The following SMCHD1 variants were observed in gnomAD, a reference collection of about 807,000 sequenced individuals.
The protein encoded by SMCHD1 is structural maintenance of chromosomes flexible hinge domain containing 1, also known as structural maintenance of chromosomes flexible hinge domain-containing protein 1.
Under a neutral mutation model 254.7 loss-of-function variants are expected in SMCHD1, and 78 were observed. The ratio of observed to expected loss-of-function variants is 0.31; its 90% CI spans 0.26 to 0.37. The LOEUF (loss-of-function observed/expected upper bound fraction) is 0.37, where lower values mean the gene tolerates loss of function less well. SMCHD1 is among the 10% of genes least tolerant of loss of function. The pLI is 1.00. For missense variants in SMCHD1, 1,840 were observed against 2,408.1 expected (o/e 0.76, Z 4.94); for synonymous variants, 766 against 794.9 (o/e 0.96, Z 0.61).
intron 17 of SMCHD1, among the ~76,000 whole-genome samples, chr18:2,716,158 A>G (rs2074794704): frequency 6.6e-6 from 1 of 152,058 alleles, no homozygotes; most frequent in Non-Finnish European, 1.5e-5. Context: ...ATTATCTATG[A>G]TTTCCTTGTT....
intron 3 of SMCHD1, among the ~76,000 whole-genome samples, chr18:2,671,090 C>A (rs920184462): frequency 1.3e-5 from 2 of 151,474 alleles, no homozygotes; most frequent in Non-Finnish European, 2.9e-5. Context: ...GCGTGCACCA[C>A]CACACCTGGC....
intron 34 of SMCHD1, among the ~76,000 whole-genome samples, chr18:2,758,556 G>A (rs1250399114): frequency 6.6e-6 from 1 of 151,996 alleles, no homozygotes; most frequent in Non-Finnish European, 1.5e-5. Flanking sequence ...CTTTCATCTG[G>A]TATTGTTTTC....
chr18:2,782,147 T>C (rs2076166608), intron 44 of SMCHD1, among the ~76,000 whole-genome samples: 1 of 152,224 alleles, frequency 6.6e-6, no homozygotes, highest in African/African-American at 2.4e-5. Context: ...TTAAAACTCT[T>C]CTAAGAAAAA....
At chr18:2,660,977 A>G (rs1397831858) in intron 1 of SMCHD1, among the ~76,000 whole-genome samples, 1 of 152,176 alleles carries the variant, frequency 6.6e-6, no homozygotes, top group African/African-American at 2.4e-5. Context: ...GCACATATAC[A>G]CCATGGAATA....
chr18:2,787,796 A>G (rs2076263052), intron 45 of SMCHD1, among the ~76,000 whole-genome samples: 1 of 152,242 alleles, frequency 6.6e-6, no homozygotes, highest in African/African-American at 2.4e-5. Context: ...TTACTAATAT[A>G]TATAAAGTAC....
intron 12 of SMCHD1, 49 bp from the exon 13 acceptor site, chr18:2,703,643 A>G: frequency 7.0e-7 from 1 of 1,424,954 alleles, no homozygotes; most frequent in South Asian, 1.2e-5. Context: ...TTATGGTTAT[A>G]TTTGTTTGCT....
rs536659369 is a variant in SMCHD1 at position 2,789,234 on chromosome 18, G to A, written c.5719+4613G>A. On this transcript the variant is annotated intron_variant, in intron 45 of 47. Coordinates refer to ENST00000320876, the MANE Select transcript of SMCHD1 (RefSeq NM_015295.3). ...TTTTTTTTTTTTTGGTAGACATGGGGTTTTGCCATGTTGCTTAGCTGGTCT... is the reference window on the plus strand; with the variant it reads ...TTTTTTTTTTTTTGGTAGACATGGGATTTTGCCATGTTGCTTAGCTGGTCT... Among the ~76,000 whole-genome samples the A allele has an allele frequency of 2.1e-3, 310 of 151,074 alleles. 1 individual carries two copies. Among genetic ancestry groups the A allele is most frequent in the African/African-American group, 7.0e-3 (289 of 41,084 alleles).
At chr18:2,697,723 C>G in intron 9 of SMCHD1, 108 bp from the exon 10 acceptor site, 1 of 722,632 alleles carries the variant, frequency 1.4e-6, no homozygotes, top group Non-Finnish European at 2.3e-6. Flanking sequence ...CAGATTGTTA[C>G]TTGTACAAAT....
intron 37 of SMCHD1, among the ~76,000 whole-genome samples, chr18:2,768,653 A>ACTAC: frequency 8.6e-6 from 1 of 115,964 alleles, no homozygotes; most frequent in African/African-American, 2.8e-5. Flanking sequence ...TATACAGTAT[A>ACTAC]TAGTATAGTA....
chr18:2,679,732 A>G (rs1404321062), intron 5 of SMCHD1, among the ~76,000 whole-genome samples: 1 of 152,040 alleles, frequency 6.6e-6, no homozygotes. Context: ...CTTAGAGTTC[A>G]TTGAGCTTCT....
At chr18:2,707,507 A>T in intron 15 of SMCHD1, 56 bp from the exon 16 acceptor site, 1 of 1,044,908 alleles carries the variant, frequency 9.6e-7, no homozygotes, top group East Asian at 2.4e-5. Flanking sequence ...TATCTTTTTA[A>T]TTAAGATCAT....
At position 2,702,687 on chromosome 18, in the gene SMCHD1, T is replaced by C. The variant is rs190263471; in HGVS notation, c.1648-1005T>C. Among the ~76,000 whole-genome samples the C allele has an allele frequency of 3.3e-5, 5 of 152,366 alleles. No homozygotes were observed. The East Asian group carries it at 7.7e-4, about 23-fold the overall frequency. On this transcript the variant is annotated intron_variant, in intron 12 of 47. Coordinates refer to ENST00000320876, the MANE Select transcript of SMCHD1 (RefSeq NM_015295.3). ...ATATTGGACCTGTGAGTCTTTACCA[T>C]GTATATATATTTCCTTTTTCATTCA...
intron 7 of SMCHD1, among the ~76,000 whole-genome samples, chr18:2,692,578 A>G (rs2074203695): frequency 6.6e-6 from 1 of 152,016 alleles, no homozygotes; most frequent in African/African-American, 2.4e-5. Context: ...TCTTCCACCC[A>G]CTTTCCACTG....
chr18:2,786,163 G>A (rs112884926), intron 45 of SMCHD1, among the ~76,000 whole-genome samples: 3,170 of 152,086 alleles, frequency 0.021, 39 homozygotes, highest in African/African-American at 0.035. Context: ...ACAGACATGC[G>A]CCACCACACC....
intron 7 of SMCHD1, among the ~76,000 whole-genome samples, chr18:2,689,220 CTTTT>C (rs71159003): frequency 7.6e-6 from 1 of 132,080 alleles, no homozygotes; most frequent in African/African-American, 2.8e-5. Context: ...GATTTTTTTT[CTTTT>C]TTTTTTTTTT....
intron 35 of SMCHD1, 141 bp downstream of exon 35, chr18:2,760,880 A>T (rs1229795848): frequency 1.9e-6 from 1 of 536,244 alleles, no homozygotes; most frequent in East Asian, 3.1e-5. Flanking sequence ...TGAAGTAATT[A>T]TTGGATGTGA....
At chr18:2,770,587 A>G (rs981432813) in intron 39 of SMCHD1, among the ~76,000 whole-genome samples, 1 of 151,866 alleles carries the variant, frequency 6.6e-6, no homozygotes, top group African/African-American at 2.4e-5. Context: ...CAATTCACAG[A>G]AAGTTTGCTG....
intron 45 of SMCHD1, among the ~76,000 whole-genome samples, chr18:2,787,196 G>A (rs2076253621): frequency 6.6e-6 from 1 of 152,144 alleles, no homozygotes; most frequent in Non-Finnish European, 1.5e-5. Context: ...AAAGGGAAGG[G>A]GAGGGAAGGT....
rs890742673 is a variant in SMCHD1, at chr18:2,804,431, A to G, written c.*1879A>G. ...GATTACAGGCATGCACCCACATGCC[A>G]ATTTTTATTGCTTAAAATGGCGAGT... On this transcript the variant is annotated 3_prime_UTR_variant, in exon 48 of 48. Transcript: ENST00000320876. The G allele has an allele frequency of 2.0e-5, 3 of 152,148 alleles. No homozygotes were observed. Among genetic ancestry groups the G allele is most frequent in the Admixed American group, 2.0e-4 (3 of 15,270 alleles). The allele number at this position is 152,148 out of a possible 1,614,324, so 9.4% of individuals were successfully genotyped here. A position where few individuals can be genotyped will look rare whatever the true frequency, so the allele number is the denominator to read the frequency against.
Sources: gnomAD v4.1 joint callset for allele counts (sites outside exome capture counted in the v4.1 genomes callset) on GRCh38, gnomAD v4.1.1 for gene constraint, MANE v1.5 for transcripts, NCBI Gene and HGNC (gene_info 2026-07-23, HGNC 2026-07-21) for gene names.